The following PCSK2 variants were observed in gnomAD, a reference collection of about 807,000 sequenced individuals.
The protein encoded by PCSK2 is neuroendocrine convertase 2.
PCSK2 carries 14 observed loss-of-function variants against 69.7 expected under a neutral mutation model. The ratio of observed to expected loss-of-function variants is 0.20; its 90% confidence interval spans 0.13 to 0.31. The LOEUF is 0.31. Ranked by LOEUF, PCSK2 falls within the 10% of genes least tolerant of loss-of-function variation. The probability of loss-of-function intolerance (pLI) is 1.00; values close to 1 mark genes in which losing one functional copy is unlikely to be tolerated. For synonymous variants in PCSK2, 307 were observed against 320.7 expected (o/e 0.96, Z 0.46); for missense variants, 544 against 842.5 (o/e 0.65, Z 4.39).
chr20:17,404,848 T>A lies in PCSK2; in HGVS notation c.544-4415T>A, dbSNP rs2031718682. ...GGCCACTTTGTAAATACTTTAGGCT[T>A]TGTGGGGTTTTGTCACAACGACTTA... On this transcript the variant is annotated intron_variant, in intron 5 of 11. Transcript: ENST00000262545. Among the ~76,000 whole-genome samples, 3 of 152,152 alleles carry A rather than the reference T, an allele frequency of 2.0e-5. No homozygotes were observed. The South Asian group carries it at 6.2e-4, about 32-fold the overall frequency.
chr20:17,398,911 G>A (rs1224366167), intron 5 of PCSK2, among the ~76,000 whole-genome samples: 1 of 152,118 alleles, frequency 6.6e-6, no homozygotes, highest in Admixed American at 6.5e-5. Context: ...ATAACTGAAG[G>A]TGCTATTAAA....
intron 2 of PCSK2, among the ~76,000 whole-genome samples, chr20:17,337,820 T>C (rs1427034329): frequency 6.6e-6 from 1 of 151,326 alleles, no homozygotes; most frequent in African/African-American, 2.4e-5. Flanking sequence ...TCCCTGCTAC[T>C]CAGGAGGCTG....
intron 2 of PCSK2, among the ~76,000 whole-genome samples, chr20:17,342,089 A>G (rs1002046135): frequency 1.3e-5 from 2 of 152,230 alleles, no homozygotes; most frequent in Non-Finnish European, 2.9e-5. Context: ...TGGAGTAGAC[A>G]GTTTAAGGAG....
chr20:17,459,349 TG>T (rs1042045621), intron 10 of PCSK2, among the ~76,000 whole-genome samples: 25 of 152,332 alleles, frequency 1.6e-4, no homozygotes, highest in African/African-American at 5.8e-4. Context: ...TGTTTCCATT[TG>T]GGGCTACTAT....
At chr20:17,473,539 C>T (rs1045264583) in intron 11 of PCSK2, among the ~76,000 whole-genome samples, 2 of 152,170 alleles carry the variant, frequency 1.3e-5, no homozygotes, top group African/African-American at 4.8e-5. Flanking sequence ...CCTATTTAAC[C>T]TTCTTATAAA....
chr20:17,265,137 G>C (rs1431563830), intron 2 of PCSK2, among the ~76,000 whole-genome samples: 1 of 152,140 alleles, frequency 6.6e-6, no homozygotes, highest in East Asian at 1.9e-4. Context: ...ATGCTGGAAA[G>C]TCTACTTTCA....
At chr20:17,256,339 TATC>T (rs1055513229) in intron 1 of PCSK2, among the ~76,000 whole-genome samples, 11 of 152,138 alleles carry the variant, frequency 7.2e-5, no homozygotes, top group African/African-American at 1.2e-4. Context: ...CTATATATAA[TATC>T]ATGTGAATAT....
chr20:17,307,057 C>A (rs763924190), intron 2 of PCSK2, among the ~76,000 whole-genome samples: 1 of 152,062 alleles, frequency 6.6e-6, no homozygotes, highest in South Asian at 2.1e-4. Context: ...AGAATGTCAA[C>A]CATGTTAAAT....
At chr20:17,348,037 A>AG (rs1568612608) in intron 2 of PCSK2, among the ~76,000 whole-genome samples, 12 of 103,128 alleles carry the variant, frequency 1.2e-4, no homozygotes. Flanking sequence ...GAAAGAAGAA[A>AG]GAAAGAAAGA....
chr20:17,379,364 T>A (rs190310525), intron 5 of PCSK2, among the ~76,000 whole-genome samples: 4 of 152,180 alleles, frequency 2.6e-5, no homozygotes, highest in Non-Finnish European at 5.9e-5. Flanking sequence ...AGACCAAACG[T>A]CTGATCCATC....
chr20:17,441,269 A>C (rs1415353389), intron 8 of PCSK2, among the ~76,000 whole-genome samples: 3 of 152,186 alleles, frequency 2.0e-5, no homozygotes, highest in African/African-American at 7.2e-5. Flanking sequence ...CAAAACCAAG[A>C]AGTGTGGTTC....
intron 2 of PCSK2, among the ~76,000 whole-genome samples, chr20:17,293,224 G>T (rs1479525900): frequency 3.3e-5 from 5 of 152,030 alleles, no homozygotes; most frequent in Admixed American, 3.3e-4. Flanking sequence ...ATTAATTAAG[G>T]CACCTATAAA....
intron 1 of PCSK2, among the ~76,000 whole-genome samples, chr20:17,255,472 G>T (rs1016961961): frequency 5.3e-5 from 8 of 151,972 alleles, no homozygotes; most frequent in Admixed American, 5.2e-4. Flanking sequence ...CTCCTGAGTA[G>T]CTGGGACTAC....
chr20:17,313,415 C>G (rs1989578479), intron 2 of PCSK2, among the ~76,000 whole-genome samples: 1 of 152,098 alleles, frequency 6.6e-6, no homozygotes, highest in African/African-American at 2.4e-5. Flanking sequence ...CCTCCATCAC[C>G]AGAAGAGACC....
intron 11 of PCSK2, among the ~76,000 whole-genome samples, chr20:17,475,312 A>AGCTG (rs2033272858): frequency 6.6e-6 from 1 of 151,610 alleles, no homozygotes; most frequent in South Asian, 2.1e-4. Context: ...TGTCCACAGT[A>AGCTG]GCTGGGGTGG....
chr20:17,319,092 T>C (rs1255928778), intron 2 of PCSK2, among the ~76,000 whole-genome samples: 1 of 152,252 alleles, frequency 6.6e-6, no homozygotes, highest in African/African-American at 2.4e-5. Flanking sequence ...TAATTAATTG[T>C]AAATTGTAAC....
At chr20:17,348,522 G>T (rs574815678) in intron 2 of PCSK2, among the ~76,000 whole-genome samples, 59 of 152,208 alleles carry the variant, frequency 3.9e-4, no homozygotes, top group African/African-American at 1.3e-3. Context: ...AGCACAGTAC[G>T]CTAGAGAAGT....
At chr20:17,289,068 T>G (rs994996423) in intron 2 of PCSK2, among the ~76,000 whole-genome samples, 3 of 152,228 alleles carry the variant, frequency 2.0e-5, no homozygotes, top group Non-Finnish European at 4.4e-5. Context: ...TTCCTTTCTC[T>G]CAACCGAAGG....
intron 5 of PCSK2, among the ~76,000 whole-genome samples, chr20:17,408,198 C>G (rs151085971): frequency 6.6e-5 from 10 of 152,042 alleles, no homozygotes; most frequent in African/African-American, 2.4e-4. Flanking sequence ...AAGAAGCCAT[C>G]TGGGGTCTTC....
Sources: allele counts gnomAD v4.1 joint callset (sites outside exome capture counted in the v4.1 genomes callset), GRCh38; gene constraint gnomAD v4.1.1; transcripts MANE v1.5; gene names NCBI Gene and HGNC (gene_info 2026-07-23, HGNC 2026-07-21).